The following ITGA1 variants were observed in gnomAD, a reference collection of about 807,000 sequenced individuals.
ITGA1 encodes the protein integrin subunit alpha 1.
Under a neutral mutation model 145.9 loss-of-function variants are expected in ITGA1, and 85 were observed. The ratio of observed to expected loss-of-function variants is 0.58; its 90% confidence interval spans 0.49 to 0.70. The LOEUF (loss-of-function observed/expected upper bound fraction) is 0.70. Among genes scored for constraint, ITGA1 ranks in the 30% least tolerant of loss-of-function variants. The pLI is 0.00. For synonymous variants in ITGA1, 520 were observed against 495.3 expected, an observed-to-expected ratio of 1.05 and a Z score of -0.66; for missense variants, 1,351 against 1,418.7, an observed-to-expected ratio of 0.95 and a Z score of 0.77.
intron 3 of ITGA1, 107 bp from the exon 4 acceptor site, chr5:52,864,656 A>G (rs1749655145): frequency 1.5e-6 from 1 of 665,648 alleles, no homozygotes; most frequent in East Asian, 2.7e-5. Context: ...CCAAAAGAAG[A>G]ATGTGCTATG....
At chr5:52,935,957 CTTTTTTTTTTTTTTTTTTT>C (rs763649629) in intron 23 of ITGA1, among the ~76,000 whole-genome samples, 1 of 9,548 alleles carries the variant, frequency 1.0e-4, no homozygotes, top group African/African-American at 6.0e-4. Flanking sequence ...CACAGGATTT[CTTTTTTTTTTTTTTTTTTT>C]TTTTTTTTTT....
chr5:52,812,980 C>T (rs1317953846), intron 1 of ITGA1, among the ~76,000 whole-genome samples: 4 of 152,050 alleles, frequency 2.6e-5, no homozygotes, highest in Non-Finnish European at 4.4e-5. Flanking sequence ...TTACCCTCAA[C>T]ATGAGACAGG....
intron 1 of ITGA1, among the ~76,000 whole-genome samples, chr5:52,832,283 G>C (rs903206941): frequency 6.6e-6 from 1 of 152,026 alleles, no homozygotes; most frequent in Non-Finnish European, 1.5e-5. Context: ...ATTAATCAAC[G>C]GTGGCCAAGA....
At chr5:52,895,081 C>T (rs1481041384) in intron 9 of ITGA1, among the ~76,000 whole-genome samples, 2 of 152,006 alleles carry the variant, frequency 1.3e-5, no homozygotes, top group Admixed American at 1.3e-4. Flanking sequence ...CTCATCAATT[C>T]CATTCTACCC....
chr5:52,789,188 T>C (rs1748191129), intron 1 of ITGA1, among the ~76,000 whole-genome samples: 1 of 152,064 alleles, frequency 6.6e-6, no homozygotes, highest in African/African-American at 2.4e-5. Flanking sequence ...AATGAACTCA[T>C]GGTCAGATCT....
intron 6 of ITGA1, among the ~76,000 whole-genome samples, chr5:52,867,969 C>G (rs191520201): frequency 8.5e-4 from 130 of 152,156 alleles, no homozygotes; most frequent in Non-Finnish European, 1.7e-3. Context: ...CTCATCCTTC[C>G]TCAGGCAGCC....
intron 1 of ITGA1, among the ~76,000 whole-genome samples, chr5:52,811,207 T>C (rs1015576049): frequency 6.6e-6 from 1 of 152,184 alleles, no homozygotes; most frequent in Non-Finnish European, 1.5e-5. Context: ...TCTCAGAGGA[T>C]ATGGTGTAAG....
intron 27 of ITGA1, among the ~76,000 whole-genome samples, chr5:52,945,683 TC>T (rs1296778533): frequency 6.6e-6 from 1 of 152,136 alleles, no homozygotes; most frequent in Non-Finnish European, 1.5e-5. Flanking sequence ...CAGCATGATC[TC>T]CCCCCTTCTC....
At position 52,920,002 on chromosome 5, in the gene ITGA1, A is replaced by T. The variant is rs1007300814; in HGVS notation, c.2156-330A>T. ...TTCCAACATTTCTAAACTTAAAAAG[A>T]ATGTTTTAAGTGAAAATATAATAAA... On this transcript the variant is annotated intron_variant, in intron 16 of 28. Transcript: ENST00000282588. Among the ~76,000 whole-genome samples the T allele has an allele frequency of 3.9e-5, 6 of 152,310 alleles. No homozygotes were observed. The East Asian group carries it at 1.2e-3, about 29-fold the overall frequency.
At chr5:52,817,693 G>C (rs1499277) in intron 1 of ITGA1, among the ~76,000 whole-genome samples, 138,048 of 152,290 alleles carry the variant, frequency 0.91, 62,642 homozygotes, top group Middle Eastern at 0.92. Flanking sequence ...CTACCAGAAT[G>C]TTACCCTATT....
chr5:52,951,176 T>A (rs771065979), intron 28 of ITGA1, among the ~76,000 whole-genome samples: 2 of 152,150 alleles, frequency 1.3e-5, no homozygotes. Context: ...AACACATAGT[T>A]CCCTGGCATA....
intron 1 of ITGA1, among the ~76,000 whole-genome samples, chr5:52,809,719 T>A (rs1420727000): frequency 6.6e-6 from 1 of 152,028 alleles, no homozygotes; most frequent in Non-Finnish European, 1.5e-5. Flanking sequence ...TTGGCCAGGT[T>A]GGTCTCAAAC....
intron 9 of ITGA1, 149 bp from the exon 10 acceptor site, chr5:52,897,306 T>G: frequency 1.6e-6 from 1 of 606,584 alleles, no homozygotes; most frequent in Non-Finnish European, 2.9e-6. Flanking sequence ...AAATTTTGGG[T>G]TGAGAAATGT....
rs1341816111 is a variant in ITGA1 at position 52,918,748 on chromosome 5, G to A, written c.2005G>A (p.Val669Ile). Residue 669 changes from valine to isoleucine, a missense_variant, in exon 16 of 29, where the codon GTA becomes ATA. By Grantham distance (29) the Val-to-Ile change is conservative. Coordinates refer to ENST00000282588, the MANE Select transcript of ITGA1 (RefSeq NM_181501.2). ...AALFWSRDVA[V>I]VKVTMNFEPN... ...TGTTTGTAGGTCCCGAGATGTGGCC[G>A]TAGTTAAAGTGACCATGAATTTTGA... is the stretch of plus-strand genomic sequence containing the variant. 34 of 1,608,274 alleles carry A rather than the reference G, an allele frequency of 2.1e-5. No homozygotes were observed. Among genetic ancestry groups the A allele is most frequent in the Non-Finnish European group, 2.7e-5 (32 of 1,178,274 alleles).
chr5:52,819,845 C>T (rs539123911), intron 1 of ITGA1, among the ~76,000 whole-genome samples: 9 of 152,202 alleles, frequency 5.9e-5, no homozygotes, highest in East Asian at 5.8e-4. Context: ...GGAAGGGATC[C>T]GGTTTCAGCT....
intron 27 of ITGA1, 22 bp from the exon 28 acceptor site, chr5:52,947,323 A>C (rs754672141): frequency 7.0e-7 from 1 of 1,428,982 alleles, no homozygotes; most frequent in South Asian, 1.1e-5. Context: ...TTATGTTAAC[A>C]ATCTTGTTTA....
At chr5:52,944,614 C>A (rs548205979) in intron 26 of ITGA1, among the ~76,000 whole-genome samples, 1 of 152,180 alleles carries the variant, frequency 6.6e-6, no homozygotes. Context: ...TAAACTTCAT[C>A]ACCAGAATGT....
At chr5:52,822,978 T>G (rs373619931) in intron 1 of ITGA1, among the ~76,000 whole-genome samples, 1 of 152,186 alleles carries the variant, frequency 6.6e-6, no homozygotes, top group Non-Finnish European at 1.5e-5. Flanking sequence ...TAGGGACTTT[T>G]CCAGCTATAG....
rs369271471 is a variant in ITGA1 at position 52,835,183 on chromosome 5, G to A, written c.62-14182G>A. Among the ~76,000 whole-genome samples, 177 of 152,110 alleles carry A rather than the reference G, an allele frequency of 1.2e-3. 1 individual carries two copies. Among genetic ancestry groups the A allele is most frequent in the African/African-American group, 3.9e-3 (161 of 41,500 alleles). On this transcript the variant is annotated intron_variant, in intron 1 of 28. Coordinates refer to ENST00000282588, the MANE Select transcript of ITGA1 (RefSeq NM_181501.2). ...AGATTTTATTACTAATGAAAAAAAC[G>A]GATATTAAGAGCTAATAAGCCTTCT...
Sources: allele counts gnomAD v4.1 joint callset (sites outside exome capture counted in the v4.1 genomes callset), GRCh38; gene constraint gnomAD v4.1.1; transcripts MANE v1.5; gene names NCBI Gene and HGNC (gene_info 2026-07-23, HGNC 2026-07-21).